CACNB2: variants seen among roughly 807,000 people sequenced by gnomAD.
CACNB2 encodes voltage-dependent L-type calcium channel subunit beta-2.
CACNB2 carries 42 observed loss-of-function variants against 73.3 expected under a neutral mutation model. The ratio of observed to expected loss-of-function variants is 0.57; its 90% CI spans 0.45 to 0.74. The LOEUF is 0.74. Ranked by LOEUF, CACNB2 falls within the 30% of genes least tolerant of loss-of-function variation. The pLI is 0.00. For synonymous variants in CACNB2, 348 were observed against 310.3 expected, an observed-to-expected ratio of 1.12 and a Z score of -1.28; for missense variants, 940 against 853.0, an observed-to-expected ratio of 1.10 and a Z score of -1.27.
At chr10:18,500,135 A>G (rs1249865336) in intron 4 of CACNB2, among the ~76,000 whole-genome samples, 2 of 152,218 alleles carry the variant, frequency 1.3e-5, no homozygotes, top group African/African-American at 4.8e-5. Context: ...TCTCTTCTTG[A>G]TGATTGATGC....
rs59462571 is a variant in CACNB2, at chr10:18,407,692, A to G, written c.333+5649A>G. On this transcript the variant is annotated intron_variant, in intron 3 of 13. Coordinates refer to ENST00000324631, the MANE Select transcript of CACNB2 (RefSeq NM_201596.3). ...CGATATTTGATTTGAGCCTCTGTGT[A>G]ATCATTTTTCTCACTTTTTCTCCAT... Among the ~76,000 whole-genome samples the G allele has an allele frequency of 9.3e-3, 1,415 of 152,150 alleles. 26 individuals carry two copies. The highest frequency in any genetic ancestry group is 0.032 in the African/African-American group (1,339 of 41,506).
chr10:18,536,243 CTTT>C (rs904187820), intron 12 of CACNB2, 47 bp downstream of exon 12: 1,809 of 278,034 alleles, frequency 6.5e-3, no homozygotes, highest in South Asian at 0.016. Context: ...GAGATCAGAC[CTTT>C]TTTTTTTTTT....
chr10:18,359,762 C>T (rs1461567715), intron 2 of CACNB2, among the ~76,000 whole-genome samples: 2 of 151,788 alleles, frequency 1.3e-5, no homozygotes, highest in African/African-American at 4.8e-5. Context: ...TAGCCCCCCA[C>T]CCCCCAGCAG....
At chr10:18,251,824 G>A (rs553336087) in intron 2 of CACNB2, among the ~76,000 whole-genome samples, 8 of 152,030 alleles carry the variant, frequency 5.3e-5, no homozygotes, top group Non-Finnish European at 1.0e-4. Context: ...ATCAGATCTC[G>A]TGAGAACTCA....
chr10:18,351,069 T>C (rs1359803903), intron 2 of CACNB2, among the ~76,000 whole-genome samples: 2 of 152,240 alleles, frequency 1.3e-5, no homozygotes, highest in East Asian at 3.9e-4. Flanking sequence ...AACAATAGCA[T>C]AGAGTCATTC....
chr10:18,403,484 A>G (rs2044117580), intron 3 of CACNB2, among the ~76,000 whole-genome samples: 1 of 152,200 alleles, frequency 6.6e-6, no homozygotes, highest in Admixed American at 6.5e-5. Context: ...TATTCATGTA[A>G]GTTTCACATA....
At chr10:18,193,268 A>AG (rs2034484819) in intron 2 of CACNB2, among the ~76,000 whole-genome samples, 1 of 43,792 alleles carries the variant, frequency 2.3e-5, no homozygotes, top group African/African-American at 1.4e-4. Flanking sequence ...GAAAGTGTCA[A>AG]GCTTTTTTTT....
intron 2 of CACNB2, among the ~76,000 whole-genome samples, chr10:18,321,070 G>A (rs2040380493): frequency 6.6e-6 from 1 of 152,306 alleles, no homozygotes; most frequent in South Asian, 2.1e-4. Context: ...CTGAAGTGCA[G>A]TCCAGGAAGA....
intron 1 of CACNB2, among the ~76,000 whole-genome samples, chr10:18,143,640 T>C (rs1284444909): frequency 6.6e-6 from 1 of 152,190 alleles, no homozygotes; most frequent in Non-Finnish European, 1.5e-5. Context: ...CATGGCATCA[T>C]AGGATTGTGT....
At position 18,192,631 on chromosome 10, in the gene CACNB2, A is replaced by C. The variant is rs568339530; in HGVS notation, c.213+41656A>C. ...AAGTAAAATTCCTTACCCATTAAGC[A>C]ATTTCTTCCTATCCTTCCCATCCCC... On this transcript the variant is annotated intron_variant, in intron 2 of 13. Coordinates refer to ENST00000324631, the MANE Select transcript of CACNB2 (RefSeq NM_201596.3). Among the ~76,000 whole-genome samples, 4 of 152,254 alleles carry C rather than the reference A, an allele frequency of 2.6e-5. No individual in the cohort carries two copies. The South Asian group carries it at 8.3e-4, about 32-fold the overall frequency.
At position 18,542,227 on chromosome 10, in the gene CACNB2, A is replaced by G. The variant is rs545931229; in HGVS notation, c.*2503A>G. 1.3e-5 allele frequency: 2 copies of G among 152,334 alleles called. No individual in the cohort carries two copies. Among genetic ancestry groups the G allele is most frequent in the East Asian group, 3.9e-4 (2 of 5,192 alleles). The allele number at this position is 152,334 out of a possible 1,614,324, so 9.4% of individuals were successfully genotyped here. The stretch of plus-strand genomic sequence containing the variant: ...AAATTAGTTACATATATAATGTTTT[A>G]TCAGCTTATATATGAAAAAATTTCC... On this transcript the variant is annotated 3_prime_UTR_variant, in exon 14 of 14. Transcript: ENST00000324631.
At chr10:18,337,944 C>T (rs910228775) in intron 2 of CACNB2, among the ~76,000 whole-genome samples, 2 of 152,098 alleles carry the variant, frequency 1.3e-5, no homozygotes, top group Non-Finnish European at 2.9e-5. Flanking sequence ...GATTAAAGAC[C>T]TGAAACCATA....
chr10:18,395,351 C>A (rs2043666319), intron 2 of CACNB2, among the ~76,000 whole-genome samples: 1 of 152,070 alleles, frequency 6.6e-6, no homozygotes, highest in Admixed American at 6.5e-5. Context: ...ACTGTCATCT[C>A]ATTACTCTAA....
At chr10:18,432,179 A>C (rs568916474) in intron 3 of CACNB2, among the ~76,000 whole-genome samples, 1 of 152,256 alleles carries the variant, frequency 6.6e-6, no homozygotes, top group Non-Finnish European at 1.5e-5. Context: ...ATGTCAAGCT[A>C]TTCACTAAGA....
intron 2 of CACNB2, among the ~76,000 whole-genome samples, chr10:18,277,270 A>G (rs2038338157): frequency 6.6e-6 from 1 of 152,244 alleles, no homozygotes; most frequent in Non-Finnish European, 1.5e-5. Context: ...ATGCAGGAGG[A>G]GTGGCCTATA....
chr10:18,405,178 G>T (rs1358796439), intron 3 of CACNB2, among the ~76,000 whole-genome samples: 1 of 152,108 alleles, frequency 6.6e-6, no homozygotes, highest in Non-Finnish European at 1.5e-5. Context: ...ATGTTCAGAG[G>T]TGTACAACCA....
At chr10:18,216,907 A>G (rs1398809337) in intron 2 of CACNB2, among the ~76,000 whole-genome samples, 1 of 152,232 alleles carries the variant, frequency 6.6e-6, no homozygotes. Context: ...TCAGAATGGA[A>G]GTGCTATAAG....
At chr10:18,340,855 C>G (rs2041203400) in intron 2 of CACNB2, 1 of 1,613,794 alleles carries the variant, frequency 6.2e-7, no homozygotes, top group African/African-American at 1.3e-5. Flanking sequence ...TGCCTTTTAG[C>G]TAGTCCTGAA....
chr10:18,434,225 A>T (rs1344425563), intron 3 of CACNB2, among the ~76,000 whole-genome samples: 2 of 152,198 alleles, frequency 1.3e-5, no homozygotes, highest in Non-Finnish European at 2.9e-5. Flanking sequence ...AATTTATATT[A>T]TAGAGTTCAT....
Sources: allele counts gnomAD v4.1 joint callset (sites outside exome capture counted in the v4.1 genomes callset), GRCh38; gene constraint gnomAD v4.1.1; transcripts MANE v1.5; gene names NCBI Gene and HGNC (gene_info 2026-07-23, HGNC 2026-07-21).